SLC12A7: variants seen among roughly 807,000 people sequenced by gnomAD.
The protein encoded by SLC12A7 is K-Cl cotransporter 4.
SLC12A7 carries 100 observed loss-of-function variants against 120.6 expected under a neutral mutation model. The ratio of observed to expected loss-of-function variants is 0.83; its 90% CI spans 0.71 to 0.98. The LOEUF is 0.98. Ranked by LOEUF, SLC12A7 falls within the 50% of genes least tolerant of loss-of-function variation. The pLI is 0.00. For missense variants in SLC12A7, 1,373 were observed against 1,548.1 expected (o/e 0.89, Z 1.90); for synonymous variants, 760 against 678.0 (o/e 1.12, Z -1.88).
chr5:1,052,730 G>A (rs1448092703), intron 23 of SLC12A7, among the ~76,000 whole-genome samples: 4 of 152,150 alleles, frequency 2.6e-5, no homozygotes, highest in Non-Finnish European at 4.4e-5. Context: ...GACCCCACCC[G>A]ACAGGGAACC....
At chr5:1,101,461 TGGA>T (rs1326276298) in intron 1 of SLC12A7, among the ~76,000 whole-genome samples, 1 of 152,054 alleles carries the variant, frequency 6.6e-6, no homozygotes, top group Non-Finnish European at 1.5e-5. Flanking sequence ...CCTGAGACCT[TGGA>T]GGAGCCCTCC....
intron 1 of SLC12A7, among the ~76,000 whole-genome samples, chr5:1,100,707 G>A (rs1435576357): frequency 6.6e-6 from 1 of 152,212 alleles, no homozygotes; most frequent in Admixed American, 6.5e-5. Context: ...TCAGCTGCAG[G>A]CTAACCACGA....
chr5:1,121,839 T>C, the SLC12A7 span, among the ~76,000 whole-genome samples: 99,153 of 152,092 alleles, frequency 0.65, 32,586 homozygotes, highest in East Asian at 0.75. Flanking sequence ...CAGGAGGGGC[T>C]GTCCTGTCTT....
At chr5:1,134,326 CGG>C in the SLC12A7 span, among the ~76,000 whole-genome samples, 1 of 151,882 alleles carries the variant, frequency 6.6e-6, no homozygotes, top group South Asian at 2.1e-4. Context: ...AAAAATCAGC[CGG>C]GTGTGGTGGC....
intron 3 of SLC12A7, 89 bp from the exon 4 acceptor site, chr5:1,089,217 C>A (rs567837413): frequency 1.4e-6 from 2 of 1,469,280 alleles, no homozygotes; most frequent in Admixed American, 3.9e-5. Flanking sequence ...CCTGGGCAGG[C>A]AAAGCGGCCG....
upstream of SLC12A7, among the ~76,000 whole-genome samples, chr5:1,116,365 G>T (rs181538772): frequency 5.4e-4 from 82 of 152,342 alleles, no homozygotes; most frequent in African/African-American, 1.9e-3. Context: ...CTGCACAGTG[G>T]CCAGGTACGT....
At chr5:1,120,447 G>A in the SLC12A7 span, among the ~76,000 whole-genome samples, 17 of 152,206 alleles carry the variant, frequency 1.1e-4, no homozygotes, top group Non-Finnish European at 2.5e-4. Flanking sequence ...GGGGACGCGC[G>A]CCGTCGGCAG....
chr5:1,108,029 T>TACACACACACACACATAC (rs59652318), intron 1 of SLC12A7, among the ~76,000 whole-genome samples: 1 of 151,378 alleles, frequency 6.6e-6, no homozygotes, highest in African/African-American at 2.4e-5. Flanking sequence ...AACACACACA[T>TACACACACACACACATAC]ACACACACAC....
At chr5:1,073,863 A>AGGCAGGGCAGATGGGACG in intron 16 of SLC12A7, 62 bp from the exon 17 acceptor site, 2 of 1,325,626 alleles carry the variant, frequency 1.5e-6, no homozygotes, top group East Asian at 2.8e-5. Context: ...GCCCATCAAC[A>AGGCAGGGCAGATGGGACG]GGCAGGGCAG....
chr5:1,091,786 G>A (rs1740542715), intron 3 of SLC12A7, among the ~76,000 whole-genome samples: 1 of 152,004 alleles, frequency 6.6e-6, no homozygotes, highest in African/African-American at 2.4e-5. Flanking sequence ...GGTGCTGAGT[G>A]CTGAGCCCGG....
At chr5:1,075,792 T>C (rs1738264859) in intron 14 of SLC12A7, 1 of 495,056 alleles carries the variant, frequency 2.0e-6, no homozygotes, top group East Asian at 3.2e-5. Context: ...GCCTGATTCC[T>C]GGGGAGGGGA....
intron 17 of SLC12A7, among the ~76,000 whole-genome samples, chr5:1,068,690 G>A (rs200905042): frequency 2.0e-5 from 3 of 152,276 alleles, no homozygotes; most frequent in Non-Finnish European, 4.4e-5. Context: ...GCGGGCTCCT[G>A]TCTGAGGCTG....
At chr5:1,108,366 A>G (rs1561114768) in intron 1 of SLC12A7, among the ~76,000 whole-genome samples, 1 of 152,196 alleles carries the variant, frequency 6.6e-6, no homozygotes, top group African/African-American at 2.4e-5. Context: ...TGGTTTTAAA[A>G]AGGGAACTCG....
intron 5 of SLC12A7, among the ~76,000 whole-genome samples, chr5:1,087,901 G>GTAT (rs1469761358): frequency 6.6e-6 from 1 of 152,158 alleles, no homozygotes; most frequent in African/African-American, 2.4e-5. Flanking sequence ...TAGTTATTAT[G>GTAT]TATTGTAATT....
the SLC12A7 span, among the ~76,000 whole-genome samples, chr5:1,131,768 A>C: frequency 6.6e-6 from 1 of 152,240 alleles, no homozygotes; most frequent in Non-Finnish European, 1.5e-5. Flanking sequence ...GACACGGGAA[A>C]GGGGCTCCTT....
At chr5:1,092,895 G>C (rs1056622283) in intron 3 of SLC12A7, among the ~76,000 whole-genome samples, 2 of 152,194 alleles carry the variant, frequency 1.3e-5, no homozygotes, top group African/African-American at 4.8e-5. Context: ...GCCTGTGAGC[G>C]TCACCTCAGG....
upstream of SLC12A7, among the ~76,000 whole-genome samples, chr5:1,113,131 G>A (rs756811009): frequency 5.9e-5 from 9 of 152,202 alleles, no homozygotes; most frequent in Admixed American, 6.5e-5. Flanking sequence ...CGTCAATGGG[G>A]AATTGGGCTA....
At chr5:1,113,589 C>A (rs997241814), upstream of SLC12A7, among the ~76,000 whole-genome samples, 2 of 152,164 alleles carry the variant, frequency 1.3e-5, no homozygotes, top group Non-Finnish European at 2.9e-5. Flanking sequence ...GCTCCACACT[C>A]TCACCCCACC....
chr5:1,155,436 G>GGACGGCGTCCCCCCCCCCCCC, the SLC12A7 span, among the ~76,000 whole-genome samples: 1 of 151,996 alleles, frequency 6.6e-6, no homozygotes, highest in Non-Finnish European at 1.5e-5. Context: ...CCATCCCCGC[G>GGACGGCGTCCCCCCCCCCCCC]GCCCCTGCCC....
Sources: allele counts gnomAD v4.1 joint callset (sites outside exome capture counted in the v4.1 genomes callset), GRCh38; gene constraint gnomAD v4.1.1; transcripts MANE v1.5; gene names NCBI Gene and HGNC (gene_info 2026-07-23, HGNC 2026-07-21).